The following RANBP2 variants were observed in gnomAD, a reference collection of about 807,000 sequenced individuals.
RANBP2 encodes the protein E3 SUMO-protein ligase RanBP2.
In RANBP2, 57 loss-of-function variants were observed where a neutral mutation model predicts 303.6. That is an observed-to-expected ratio of 0.19 (90% confidence interval 0.15 to 0.23). The LOEUF (loss-of-function observed/expected upper bound fraction) is 0.23, where lower values mean the gene tolerates loss of function less well. RANBP2 is among the 10% of genes least tolerant of loss of function. RANBP2 has a pLI of 1.00. For missense variants in RANBP2, 3,138 were observed against 3,780.8 expected (o/e 0.83, Z 4.46); for synonymous variants, 1,167 against 1,301.5 (o/e 0.90, Z 2.23).
the RANBP2 span, among the ~76,000 whole-genome samples, chr2:108,957,190 C>A: frequency 6.6e-6 from 1 of 152,258 alleles, no homozygotes; most frequent in Non-Finnish European, 1.5e-5. Flanking sequence ...GTGCCACTGA[C>A]AACCAGTTCC....
At chr2:109,596,156 G>C in the RANBP2 span, among the ~76,000 whole-genome samples, 1 of 152,030 alleles carries the variant, frequency 6.6e-6, no homozygotes, top group Non-Finnish European at 1.5e-5. Context: ...CTCAGTTTCC[G>C]AAACAGCTGG....
At chr2:109,071,441 A>G in the RANBP2 span, among the ~76,000 whole-genome samples, 13 of 152,326 alleles carry the variant, frequency 8.5e-5, no homozygotes, top group South Asian at 2.5e-3. Context: ...TGGGAGGCCA[A>G]GGTGGGCGGA....
the RANBP2 span, among the ~76,000 whole-genome samples, chr2:109,736,849 T>A: frequency 2.0e-5 from 3 of 151,974 alleles, no homozygotes; most frequent in African/African-American, 7.2e-5. Context: ...AAATGGTCAC[T>A]CCCTTCAGCC....
chr2:108,871,370 T>TAAAAAAAAA, the RANBP2 span, among the ~76,000 whole-genome samples: 17 of 76,640 alleles, frequency 2.2e-4, no homozygotes, highest in African/African-American at 2.9e-4. Context: ...CCAACTCTAT[T>TAAAAAAAAA]AAAAAAAAAA....
the RANBP2 span, among the ~76,000 whole-genome samples, chr2:109,493,633 G>A: frequency 6.8e-6 from 1 of 147,820 alleles, no homozygotes; most frequent in East Asian, 2.0e-4. Flanking sequence ...CCCCACACAT[G>A]CTGCAAACAC....
the RANBP2 span, among the ~76,000 whole-genome samples, chr2:108,898,436 C>T: frequency 1.3e-5 from 2 of 152,120 alleles, no homozygotes; most frequent in Non-Finnish European, 2.9e-5. Context: ...CAAGACAGCA[C>T]CCTCATTCTC....
the RANBP2 span, among the ~76,000 whole-genome samples, chr2:109,286,453 C>T: frequency 6.6e-6 from 1 of 152,196 alleles, no homozygotes; most frequent in African/African-American, 2.4e-5. Context: ...TCACTCAGCA[C>T]ATGCTCTCTC....
chr2:109,675,623 A>C, the RANBP2 span, among the ~76,000 whole-genome samples: 1 of 152,198 alleles, frequency 6.6e-6, no homozygotes, highest in Non-Finnish European at 1.5e-5. Flanking sequence ...CGGAGGTTGC[A>C]GTGAGCTGAG....
the RANBP2 span, among the ~76,000 whole-genome samples, chr2:109,374,718 A>T: frequency 6.6e-6 from 1 of 152,228 alleles, no homozygotes; most frequent in African/African-American, 2.4e-5. Flanking sequence ...CTTGGATTGC[A>T]TGAAGGTCTC....
chr2:109,655,752 G>A, the RANBP2 span, among the ~76,000 whole-genome samples: 15 of 152,132 alleles, frequency 9.9e-5, no homozygotes, highest in Non-Finnish European at 1.6e-4. Flanking sequence ...ATTCTGGCCT[G>A]GGAACAAAAA....
the RANBP2 span, among the ~76,000 whole-genome samples, chr2:109,211,380 G>A: frequency 6.6e-6 from 1 of 152,216 alleles, no homozygotes; most frequent in Non-Finnish European, 1.5e-5. Flanking sequence ...CACAGAAGAT[G>A]CTAAATCAGG....
At position 108,745,706 on chromosome 2, in the gene RANBP2, A is replaced by C. The variant is rs12620921; in HGVS notation, c.976-1005A>C. ...CATACTCTGAAAATGTGTTATCTAC[A>C]ATGTGGCATTTCCAAGTGTCATTTC... On this transcript the variant is annotated intron_variant, in intron 7 of 28. Transcript: ENST00000283195. Among the ~76,000 whole-genome samples, 10,745 of 151,730 alleles carry C rather than the reference A, an allele frequency of 0.071. 2,754 individuals are homozygous for C. In the East Asian group the frequency reaches 0.86, roughly 12 times the overall value.
chr2:109,453,814 C>T, the RANBP2 span, among the ~76,000 whole-genome samples: 3 of 152,192 alleles, frequency 2.0e-5, no homozygotes, highest in South Asian at 4.1e-4. Flanking sequence ...CCGACAAAGG[C>T]GCCTGGTCAG....
At chr2:109,295,914 C>T in the RANBP2 span, among the ~76,000 whole-genome samples, 1 of 152,190 alleles carries the variant, frequency 6.6e-6, no homozygotes, top group Non-Finnish European at 1.5e-5. Context: ...GAGGACAGAA[C>T]CCAGCCTCCT....
At chr2:109,212,814 C>T in the RANBP2 span, among the ~76,000 whole-genome samples, 2 of 150,896 alleles carry the variant, frequency 1.3e-5, no homozygotes, top group African/African-American at 5.0e-5. Context: ...AGGAGTTAGA[C>T]CTCCTGGTGA....
At chr2:109,674,459 C>CTGT in the RANBP2 span, among the ~76,000 whole-genome samples, 102 of 148,976 alleles carry the variant, frequency 6.8e-4, no homozygotes, top group Non-Finnish European at 1.3e-3. Context: ...TGGCATGTAC[C>CTGT]TGTAGTCCCA....
At chr2:109,445,750 T>G in the RANBP2 span, among the ~76,000 whole-genome samples, 1 of 150,276 alleles carries the variant, frequency 6.7e-6, no homozygotes, top group Admixed American at 6.6e-5. Context: ...TGTGGGGAAG[T>G]AGAGAGGGGG....
Position 108,766,839 on chromosome 2 carries a change from A to G in RANBP2, c.6300A>G (p.Gly2100=). The G allele has an allele frequency of 6.2e-7, 1 of 1,611,898 alleles. No homozygotes were observed. Among genetic ancestry groups the G allele is most frequent in the Non-Finnish European group, 8.5e-7 (1 of 1,179,872 alleles). The change falls in exon 20 of 29, where the codon GGA becomes GGG. Residue 2100 remains glycine, a synonymous_variant. Coordinates refer to ENST00000283195, the MANE Select transcript of RANBP2 (RefSeq NM_006267.5). ...CGATGAACCTGAAGCCTCTCTCTGG[A>G]TCAGATAGAGCATGGATGTGGTTAG... ...TTTMNLKPLS[G]SDRAWMWLAS... is the part of the protein sequence containing the mutation.
chr2:109,536,115 G>C, the RANBP2 span, among the ~76,000 whole-genome samples: 1 of 151,966 alleles, frequency 6.6e-6, no homozygotes, highest in African/African-American at 2.4e-5. Flanking sequence ...TGTGGGGTCA[G>C]AGCCAAACAG....
Sources: gnomAD v4.1 joint callset for allele counts (sites outside exome capture counted in the v4.1 genomes callset) on GRCh38, gnomAD v4.1.1 for gene constraint, MANE v1.5 for transcripts, NCBI Gene and HGNC (gene_info 2026-07-23, HGNC 2026-07-21) for gene names.